Variants in STXBP5 observed in about 807,000 individuals in gnomAD.
STXBP5 encodes syntaxin-binding protein 5.
STXBP5 carries 50 observed loss-of-function variants against 152.4 expected under a neutral mutation model. The observed-to-expected ratio is 0.33, with a 90% CI of 0.26 to 0.42. STXBP5 has a LOEUF of 0.42. Ranked by LOEUF, STXBP5 falls within the 10% of genes least tolerant of loss-of-function variation. The pLI is 1.00. For synonymous variants in STXBP5, 492 were observed against 494.7 expected (o/e 0.99, Z 0.07); for missense variants, 1,167 against 1,388.6 (o/e 0.84, Z 2.54).
intron 11 of STXBP5, 49 bp from the exon 12 acceptor site, chr6:147,313,835 G>A: frequency 8.3e-7 from 1 of 1,200,786 alleles, no homozygotes; most frequent in Non-Finnish European, 1.1e-6. Context: ...TTAATCATAT[G>A]GTATAATTCA....
intron 16 of STXBP5, among the ~76,000 whole-genome samples, chr6:147,321,261 T>C (rs1267727192): frequency 1.3e-5 from 2 of 152,202 alleles, no homozygotes; most frequent in East Asian, 3.8e-4. Flanking sequence ...AAATTGATGT[T>C]AAAATATAAT....
At chr6:147,347,293 C>T (rs1011637296) in intron 21 of STXBP5, among the ~76,000 whole-genome samples, 1 of 152,100 alleles carries the variant, frequency 6.6e-6, no homozygotes, top group African/African-American at 2.4e-5. Context: ...AAAGAGTTTT[C>T]AAGGATGAAG....
intron 18 of STXBP5, among the ~76,000 whole-genome samples, chr6:147,331,726 G>T (rs1192409097): frequency 9.0e-5 from 13 of 143,922 alleles, no homozygotes; most frequent in African/African-American, 3.1e-4. Context: ...TGTTTATGTT[G>T]TATTTTCCCC....
chr6:147,283,560 C>T (rs1406245795), intron 8 of STXBP5, among the ~76,000 whole-genome samples: 2 of 152,156 alleles, frequency 1.3e-5, no homozygotes, highest in African/African-American at 4.8e-5. Context: ...TGAGCACTTA[C>T]ACACGAGGAT....
At chr6:147,308,608 A>G (rs1782215249) in intron 9 of STXBP5, among the ~76,000 whole-genome samples, 1 of 152,184 alleles carries the variant, frequency 6.6e-6, no homozygotes, top group Non-Finnish European at 1.5e-5. Context: ...CAAAATAAAT[A>G]AATTTGTGTA....
intron 9 of STXBP5, among the ~76,000 whole-genome samples, chr6:147,305,371 C>A (rs866445510): frequency 2.6e-5 from 4 of 152,188 alleles, no homozygotes; most frequent in South Asian, 4.1e-4. Flanking sequence ...AATTTTATTT[C>A]TTTTTTCCTC....
At chr6:147,253,551 C>T (rs1490552880) in intron 4 of STXBP5, among the ~76,000 whole-genome samples, 1 of 152,152 alleles carries the variant, frequency 6.6e-6, no homozygotes, top group African/African-American at 2.4e-5. Context: ...ATTTAGAAAA[C>T]CCCATCGTCT....
chr6:147,258,747 T>A (rs533694703), intron 4 of STXBP5, among the ~76,000 whole-genome samples: 14 of 152,304 alleles, frequency 9.2e-5, no homozygotes, highest in Non-Finnish European at 2.1e-4. Flanking sequence ...ACACATAATT[T>A]TAAGTGCTCT....
intron 8 of STXBP5, among the ~76,000 whole-genome samples, chr6:147,285,024 A>G (rs77912184): frequency 0.035 from 5,384 of 152,216 alleles, 147 homozygotes; most frequent in Admixed American, 0.054. Context: ...ATGGACATGT[A>G]TGAATGAAAT....
chr6:147,232,082 A>T (rs1021385375), intron 2 of STXBP5, among the ~76,000 whole-genome samples: 1 of 151,794 alleles, frequency 6.6e-6, no homozygotes, highest in Non-Finnish European at 1.5e-5. Flanking sequence ...CAGTTCTGCA[A>T]GCTAGTCTAG....
intron 4 of STXBP5, among the ~76,000 whole-genome samples, chr6:147,241,707 T>TTA (rs201745177): frequency 0.027 from 4,145 of 151,054 alleles, 113 homozygotes; most frequent in Non-Finnish European, 0.045. Context: ...ATTAGGGATG[T>TTA]TATAGCTGTC....
At position 147,386,512 on chromosome 6, in the gene STXBP5, T is replaced by C. The variant is rs1583024706; in HGVS notation, c.*1757T>C. ...AATATCATTTGGTAGGGACTAAATGTGTGTGATAGAGATAATTGATCAAGC... is the reference window on the plus strand; with the variant it reads ...AATATCATTTGGTAGGGACTAAATGCGTGTGATAGAGATAATTGATCAAGC... On this transcript the variant is annotated 3_prime_UTR_variant, in exon 28 of 28. Coordinates refer to ENST00000321680, the MANE Select transcript of STXBP5 (RefSeq NM_001127715.4). 1 of 151,732 alleles carries C rather than the reference T, an allele frequency of 6.6e-6. No individual in the cohort carries two copies. The highest frequency in any genetic ancestry group is 6.6e-5 in the Admixed American group (1 of 15,188). 9.4% of individuals were successfully genotyped at this position (151,732 alleles called of 1,614,324 possible).
At chr6:147,371,925 C>T (rs1785558534) in intron 25 of STXBP5, among the ~76,000 whole-genome samples, 1 of 151,980 alleles carries the variant, frequency 6.6e-6, no homozygotes, top group African/African-American at 2.4e-5. Flanking sequence ...CAATTTAATA[C>T]ATATAGTTTA....
intron 8 of STXBP5, among the ~76,000 whole-genome samples, chr6:147,284,279 A>T (rs969524798): frequency 6.6e-6 from 1 of 152,184 alleles, no homozygotes; most frequent in African/African-American, 2.4e-5. Flanking sequence ...TGTAACAAGC[A>T]TAACACTTAA....
Position 147,262,290 on chromosome 6 carries a change from G to A in STXBP5, c.567G>A (p.Leu189=). 1.3e-6 allele frequency: 2 copies of A among 1,538,262 alleles called. No homozygotes were observed. The highest frequency in any genetic ancestry group is 1.7e-6 in the Non-Finnish European group (2 of 1,148,638). Residue 189 remains leucine, a splice_region_variant and synonymous_variant, in exon 6 of 28, where the codon CTG becomes CTA. Coordinates refer to ENST00000321680, the MANE Select transcript of STXBP5 (RefSeq NM_001127715.4). Reference sequence around the variant, plus strand: ...ATCTTACTAACTTTTTCTTTTTTAGGTCATCTAAATCTCACCCAGGACCTG... The same window carrying A: ...ATCTTACTAACTTTTTCTTTTTTAGATCATCTAAATCTCACCCAGGACCTG... ...YVIMWNKAIE[L]SSKSHPGPVV...
At chr6:147,306,199 A>C (rs1490984264) in intron 9 of STXBP5, among the ~76,000 whole-genome samples, 1 of 152,178 alleles carries the variant, frequency 6.6e-6, no homozygotes, top group African/African-American at 2.4e-5. Flanking sequence ...GCTCAGCTGT[A>C]GGGTTAGTGG....
intron 26 of STXBP5, among the ~76,000 whole-genome samples, chr6:147,379,120 C>T (rs866816270): frequency 9.9e-5 from 14 of 140,962 alleles, no homozygotes; most frequent in African/African-American, 3.8e-4. Flanking sequence ...AAAAAAAAAA[C>T]TCTTTGCTTT....
intron 21 of STXBP5, among the ~76,000 whole-genome samples, chr6:147,341,715 A>C (rs528573923): frequency 4.0e-5 from 6 of 151,080 alleles, no homozygotes; most frequent in Non-Finnish European, 8.8e-5. Context: ...ACAGGATGGC[A>C]GTCACAATTT....
intron 9 of STXBP5, among the ~76,000 whole-genome samples, chr6:147,294,684 CA>C (rs1434028370): frequency 3.3e-5 from 5 of 151,724 alleles, no homozygotes; most frequent in African/African-American, 7.3e-5. Flanking sequence ...TTTTTGATGT[CA>C]AAAAAAATTT....
Sources: gnomAD v4.1 joint callset for allele counts (sites outside exome capture counted in the v4.1 genomes callset) on GRCh38, gnomAD v4.1.1 for gene constraint, MANE v1.5 for transcripts, NCBI Gene and HGNC (gene_info 2026-07-23, HGNC 2026-07-21) for gene names.